VPS13B: variants seen among roughly 807,000 people sequenced by gnomAD.
VPS13B encodes the protein intermembrane lipid transfer protein VPS13B.
Under a neutral mutation model 426.4 loss-of-function variants are expected in VPS13B, and 285 were observed. The observed-to-expected ratio is 0.67, with a 90% CI of 0.61 to 0.74. VPS13B has a LOEUF of 0.74. Ranked by LOEUF, VPS13B falls within the 30% of genes least tolerant of loss-of-function variation. The pLI is 0.00. For synonymous variants in VPS13B, 1,676 were observed against 1,676.4 expected (o/e 1.00, Z 0.01); for missense variants, 4,537 against 4,782.6 (o/e 0.95, Z 1.51).
intron 51 of VPS13B, among the ~76,000 whole-genome samples, chr8:99,825,182 A>G (rs1451373496): frequency 6.6e-6 from 1 of 151,980 alleles, no homozygotes; most frequent in Admixed American, 6.6e-5. Flanking sequence ...TTTAATTTAC[A>G]CTCCCACCAA....
chr8:99,498,070 A>C (rs1821028237), intron 25 of VPS13B, among the ~76,000 whole-genome samples: 1 of 152,116 alleles, frequency 6.6e-6, no homozygotes, highest in Non-Finnish European at 1.5e-5. Flanking sequence ...AGCCTTTCCT[A>C]TTTCAAAATA....
chr8:99,276,889 G>T (rs1245733192), intron 19 of VPS13B, among the ~76,000 whole-genome samples: 1 of 152,064 alleles, frequency 6.6e-6, no homozygotes, highest in Non-Finnish European at 1.5e-5. Flanking sequence ...CTTGCCACTT[G>T]TTCTTGAGTT....
At chr8:99,837,984 A>G (rs143890735) in intron 54 of VPS13B, among the ~76,000 whole-genome samples, 9 of 152,362 alleles carry the variant, frequency 5.9e-5, no homozygotes, top group African/African-American at 1.9e-4. Flanking sequence ...CTTCCATTGT[A>G]TAAATAAGAT....
At position 99,013,290 on chromosome 8, in the gene VPS13B, C is replaced by CG. The variant is rs1410009818; in HGVS notation, c.-85dup. The CG allele has an allele frequency of 1.2e-5, 3 of 242,506 alleles. No individual in the cohort carries two copies. Among genetic ancestry groups the CG allele is most frequent in the Non-Finnish European group, 2.5e-5 (3 of 121,592 alleles). 15.0% of individuals were successfully genotyped at this position (242,506 alleles called of 1,614,324 possible). The stretch of plus-strand genomic sequence containing the variant: ...TGGCGCGGTACAGGAGCAGCACTGC[C>CG]GGCGGGGGCGGGTGCCAGGGACTTG... On this transcript the variant is annotated 5_prime_UTR_variant, in exon 1 of 62. Transcript: ENST00000357162.
chr8:99,152,844 T>C (rs534028621), intron 14 of VPS13B, among the ~76,000 whole-genome samples: 18 of 152,338 alleles, frequency 1.2e-4, no homozygotes, highest in Admixed American at 3.9e-4. Flanking sequence ...AGGTATGTAT[T>C]TCTCTATTTT....
At chr8:99,451,334 C>T (rs1818186318) in intron 23 of VPS13B, among the ~76,000 whole-genome samples, 1 of 152,078 alleles carries the variant, frequency 6.6e-6, no homozygotes, top group Admixed American at 6.6e-5. Flanking sequence ...CCTTATTTGT[C>T]CCATTCATTC....
chr8:99,360,523 C>T (rs981355670), intron 19 of VPS13B, among the ~76,000 whole-genome samples: 41 of 152,020 alleles, frequency 2.7e-4, no homozygotes, highest in African/African-American at 8.4e-4. Flanking sequence ...GTGACCCGCC[C>T]GTCTCGGCCT....
intron 14 of VPS13B, among the ~76,000 whole-genome samples, chr8:99,149,373 AGTG>A (rs1184116625): frequency 6.6e-6 from 1 of 152,204 alleles, no homozygotes; most frequent in East Asian, 1.9e-4. Flanking sequence ...GCTAGAGAGC[AGTG>A]GTGAAATCTC....
chr8:99,399,365 A>C (rs1004249073), intron 21 of VPS13B, among the ~76,000 whole-genome samples: 1 of 152,204 alleles, frequency 6.6e-6, no homozygotes, highest in Admixed American at 6.5e-5. Flanking sequence ...ATTCTAGGTA[A>C]TCAGCATAAT....
rs999493761 is a variant in VPS13B at position 99,384,371 on chromosome 8, T to C, written c.2934+54T>C. 4.3e-6 allele frequency: 6 copies of C among 1,386,668 alleles called. No individual in the cohort carries two copies. The African/African-American group carries it at 8.7e-5, about 20-fold the overall frequency. The allele number at this position is 1,386,668 out of a possible 1,614,324, so 85.9% of individuals were successfully genotyped here. Reference sequence around the variant, plus strand: ...TTAACAAATATTTTTCTTATTCATTTAGTAGAATTATATATGTCTTTTGAT... The same window carrying C: ...TTAACAAATATTTTTCTTATTCATTCAGTAGAATTATATATGTCTTTTGAT... On this transcript the variant is annotated intron_variant, in intron 20 of 61. Transcript: ENST00000357162.
chr8:99,239,936 TAATA>T (rs1816833601), intron 17 of VPS13B, among the ~76,000 whole-genome samples: 2 of 152,300 alleles, frequency 1.3e-5, no homozygotes, highest in East Asian at 3.9e-4. Flanking sequence ...AAATAATACT[TAATA>T]AAGTTAGGCT....
intron 30 of VPS13B, among the ~76,000 whole-genome samples, chr8:99,549,137 G>A (rs763672134): frequency 8.6e-5 from 13 of 151,976 alleles, no homozygotes; most frequent in East Asian, 1.9e-4. Context: ...TTTTTATTTC[G>A]CCTAAATTTT....
At chr8:99,138,726 G>T (rs1012273981) in intron 12 of VPS13B, among the ~76,000 whole-genome samples, 1 of 152,214 alleles carries the variant, frequency 6.6e-6, no homozygotes, top group Admixed American at 6.5e-5. Flanking sequence ...GTGCAACTCA[G>T]AAGTCTTGTG....
At chr8:99,617,737 T>TA (rs1020336214) in intron 33 of VPS13B, among the ~76,000 whole-genome samples, 1 of 152,244 alleles carries the variant, frequency 6.6e-6, no homozygotes, top group Non-Finnish European at 1.5e-5. Context: ...AGCCTATACT[T>TA]ACACATCCAT....
At chr8:99,328,944 TTC>T (rs1810419095) in intron 19 of VPS13B, among the ~76,000 whole-genome samples, 1 of 152,116 alleles carries the variant, frequency 6.6e-6, no homozygotes, top group African/African-American at 2.4e-5. Context: ...CCACAATGCA[TTC>T]TGTTTGTTTT....
At chr8:99,602,457 G>A (rs1400521123) in intron 33 of VPS13B, among the ~76,000 whole-genome samples, 1 of 152,058 alleles carries the variant, frequency 6.6e-6, no homozygotes, top group Non-Finnish European at 1.5e-5. Context: ...CTTTTGCTTA[G>A]GATTGTCTTG....
chr8:99,278,509 G>T (rs1387851625), intron 19 of VPS13B, among the ~76,000 whole-genome samples: 1 of 152,210 alleles, frequency 6.6e-6, no homozygotes, highest in East Asian at 1.9e-4. Context: ...AATATTATTT[G>T]TGTCTTGCAG....
intron 33 of VPS13B, among the ~76,000 whole-genome samples, chr8:99,622,400 G>C (rs1247965928): frequency 1.3e-5 from 2 of 152,156 alleles, no homozygotes; most frequent in Non-Finnish European, 2.9e-5. Context: ...GAAGTTATGA[G>C]CATATTTCTT....
chr8:99,791,854 G>A (rs1010277182), intron 43 of VPS13B, among the ~76,000 whole-genome samples: 5 of 152,054 alleles, frequency 3.3e-5, no homozygotes, highest in Non-Finnish European at 5.9e-5. Flanking sequence ...TGCCTTGAGG[G>A]CAACTGCAGT....
Sources: gnomAD v4.1 joint callset for allele counts (sites outside exome capture counted in the v4.1 genomes callset) on GRCh38, gnomAD v4.1.1 for gene constraint, MANE v1.5 for transcripts, NCBI Gene and HGNC (gene_info 2026-07-23, HGNC 2026-07-21) for gene names.